RAB5C: variants seen among roughly 807,000 people sequenced by gnomAD.
RAB5C encodes the protein ras-related protein Rab-5C.
Under a neutral mutation model 25.2 loss-of-function variants are expected in RAB5C, and 4 were observed. The ratio of observed to expected loss-of-function variants is 0.16; its 90% CI spans 0.08 to 0.36. RAB5C has a LOEUF of 0.36. RAB5C is among the 10% of genes least tolerant of loss of function. RAB5C has a pLI of 1.00. For synonymous variants in RAB5C, 100 were observed against 106.4 expected, an observed-to-expected ratio of 0.94 and a Z score of 0.37; for missense variants, 199 against 283.8, an observed-to-expected ratio of 0.70 and a Z score of 2.15.
intron 1 of RAB5C, among the ~76,000 whole-genome samples, chr17:42,138,857 G>A (rs1383165138): frequency 2.0e-5 from 3 of 152,228 alleles, no homozygotes; most frequent in African/African-American, 7.2e-5. Context: ...CCAGGACAGA[G>A]CACAGCTGGC....
intron 4 of RAB5C, among the ~76,000 whole-genome samples, chr17:42,127,754 C>G (rs1351857251): frequency 6.6e-6 from 1 of 151,552 alleles, no homozygotes; most frequent in Non-Finnish European, 1.5e-5. Flanking sequence ...GTCTCGAACT[C>G]CTAAGCTCAA....
chr17:42,153,902 A>G (rs1415561163), intron 1 of RAB5C, among the ~76,000 whole-genome samples: 1 of 152,262 alleles, frequency 6.6e-6, no homozygotes. Context: ...AATAAGTCCA[A>G]GCCCTGAAGG....
At position 42,130,371 on chromosome 17, in the gene RAB5C, T is replaced by A. The variant is rs766319555; in HGVS notation, c.132A>T (p.Gly44=). Residue 44 remains glycine (G), a synonymous_variant, in exon 2 of 6, where the codon GGA becomes GGT. Transcript: ENST00000346213. ...KSSLVLRFVK[G]QFHEYQESTI... ...TGCTCTCCTGGTACTCGTGAAACTG[T>A]CCCTTGACAAAGCGGAGGACGAGGC... The A allele has an allele frequency of 6.2e-7, 1 of 1,613,820 alleles. No homozygotes were observed. Among genetic ancestry groups the A allele is most frequent in the South Asian group, 1.1e-5 (1 of 91,062 alleles).
rs762220539 is a variant in RAB5C, at chr17:42,130,383, G to A, written c.120C>T (p.Arg40=). 1.2e-5 allele frequency: 20 copies of A among 1,613,942 alleles called. No homozygotes were observed. ...SAVGKSSLVL[R]FVKGQFHEYQ... is the part of the protein sequence containing the mutation. ...ACTCGTGAAACTGTCCCTTGACAAA[G>A]CGGAGGACGAGGCTGGATTTGCCTA... Residue 40 remains arginine, a synonymous_variant, in exon 2 of 6, where the codon CGC becomes CGT. Coordinates refer to ENST00000346213, the MANE Select transcript of RAB5C (RefSeq NM_004583.4).
Position 42,151,361 on chromosome 17 carries a change from C to T in RAB5C, c.-89+3532G>A, listed in dbSNP as rs1164387988. Among the ~76,000 whole-genome samples the T allele has an allele frequency of 5.3e-5, 8 of 151,842 alleles. 1 individual carries two copies. The South Asian group carries it at 1.7e-3, about 32-fold the overall frequency. Reference sequence around the variant, plus strand: ...CTGAGGTAGGAGAATGGCATGAACCCGGGAGGCGGAGCTTGCAGTGAGCCA... The same window carrying T: ...CTGAGGTAGGAGAATGGCATGAACCTGGGAGGCGGAGCTTGCAGTGAGCCA... On this transcript the variant is annotated intron_variant, in intron 1 of 5. Coordinates refer to ENST00000346213, the MANE Select transcript of RAB5C (RefSeq NM_004583.4).
chr17:42,138,382 G>C (rs967131027), intron 1 of RAB5C, among the ~76,000 whole-genome samples: 2 of 152,178 alleles, frequency 1.3e-5, no homozygotes, highest in Non-Finnish European at 2.9e-5. Flanking sequence ...AATCCCAATG[G>C]GGGGTGTTGC....
At chr17:42,143,070 G>T (rs978771216) in intron 1 of RAB5C, among the ~76,000 whole-genome samples, 1 of 152,184 alleles carries the variant, frequency 6.6e-6, no homozygotes, top group African/African-American at 2.4e-5. Flanking sequence ...TCAGGCAGGG[G>T]TAAGAGCAGT....
At chr17:42,128,464 C>T in intron 3 of RAB5C, 81 bp from the exon 4 acceptor site, 1 of 1,514,668 alleles carries the variant, frequency 6.6e-7, no homozygotes, top group Non-Finnish European at 8.9e-7. Context: ...CTCAAGCTGG[C>T]ACAGCCAAAT....
intron 3 of RAB5C, 102 bp from the exon 4 acceptor site, chr17:42,128,485 A>T: frequency 3.4e-6 from 5 of 1,476,208 alleles, no homozygotes; most frequent in Non-Finnish European, 9.1e-7. Flanking sequence ...TATCTAAGAC[A>T]TTGCCACCTA....
intron 1 of RAB5C, among the ~76,000 whole-genome samples, chr17:42,134,587 T>G (rs1157494857): frequency 2.0e-5 from 3 of 152,094 alleles, no homozygotes; most frequent in Non-Finnish European, 4.4e-5. Flanking sequence ...CAAAAAAAAG[T>G]TGACTTTTTT....
intron 1 of RAB5C, among the ~76,000 whole-genome samples, chr17:42,144,925 C>CAAAAA (rs544870361): frequency 9.6e-5 from 3 of 31,104 alleles, no homozygotes; most frequent in Non-Finnish European, 1.3e-4. Context: ...GACTCCGTCT[C>CAAAAA]AAAAAAAAAA....
intron 1 of RAB5C, among the ~76,000 whole-genome samples, chr17:42,154,156 G>C (rs1423311247): frequency 1.3e-5 from 2 of 152,150 alleles, no homozygotes; most frequent in African/African-American, 2.4e-5. Context: ...GGGGAAAGAA[G>C]ATAATGAATG....
intron 1 of RAB5C, 96 bp from the exon 2 acceptor site, chr17:42,130,686 A>C: frequency 7.1e-7 from 1 of 1,409,806 alleles, no homozygotes; most frequent in Non-Finnish European, 9.3e-7. Flanking sequence ...GCCTCACTGA[A>C]GACCTAGCTG....
chr17:42,144,195 G>A (rs1403082929), intron 1 of RAB5C, among the ~76,000 whole-genome samples: 1 of 152,096 alleles, frequency 6.6e-6, no homozygotes, highest in Non-Finnish European at 1.5e-5. Context: ...AGTGGCTCAC[G>A]CCTGTAATCC....
intron 1 of RAB5C, chr17:42,154,620 G>T (rs572532928): frequency 6.6e-6 from 1 of 152,282 alleles, no homozygotes; most frequent in African/African-American, 2.4e-5. Flanking sequence ...GAAGCAGGGG[G>T]AGCGGAACTT....
chr17:42,142,091 G>A (rs997599946), intron 1 of RAB5C, among the ~76,000 whole-genome samples: 45 of 151,644 alleles, frequency 3.0e-4, no homozygotes, highest in African/African-American at 1.1e-3. Flanking sequence ...CCACAAAAAT[G>A]GAGGGGAGAA....
At chr17:42,154,422 T>C (rs1362206695) in intron 1 of RAB5C, among the ~76,000 whole-genome samples, 1 of 152,132 alleles carries the variant, frequency 6.6e-6, no homozygotes, top group African/African-American at 2.4e-5. Context: ...CTTCTGTGCG[T>C]GTGGAACGGT....
chr17:42,134,831 A>G (rs1292299245), intron 1 of RAB5C, among the ~76,000 whole-genome samples: 7 of 152,218 alleles, frequency 4.6e-5, no homozygotes, highest in Non-Finnish European at 7.3e-5. Flanking sequence ...CTAAGCTCCT[A>G]AACACCCTGG....
At chr17:42,143,252 C>G (rs1877179488) in intron 1 of RAB5C, among the ~76,000 whole-genome samples, 1 of 152,210 alleles carries the variant, frequency 6.6e-6, no homozygotes, top group South Asian at 2.1e-4. Flanking sequence ...CCACATCACT[C>G]TATGTCAACA....
Sources: gnomAD v4.1 joint callset for allele counts (sites outside exome capture counted in the v4.1 genomes callset) on GRCh38, gnomAD v4.1.1 for gene constraint, MANE v1.5 for transcripts, NCBI Gene and HGNC (gene_info 2026-07-23, HGNC 2026-07-21) for gene names.